The following MBNL2 variants were observed in gnomAD, a reference collection of about 807,000 sequenced individuals.
MBNL2 encodes the protein muscleblind-like protein 2.
A neutral mutation model predicts 41.9 loss-of-function variants in MBNL2; 17 were observed. That is an observed-to-expected ratio of 0.41 (90% CI 0.28 to 0.61). The LOEUF (loss-of-function observed/expected upper bound fraction) is 0.61, where lower values mean the gene tolerates loss of function less well. Among genes scored for constraint, MBNL2 ranks in the 20% least tolerant of loss-of-function variants. The pLI, the probability that MBNL2 is intolerant of heterozygous loss-of-function variation, is 0.35. For synonymous variants in MBNL2, 195 were observed against 182.9 expected (o/e 1.07, Z -0.53); for missense variants, 336 against 505.6 (o/e 0.66, Z 3.22).
At chr13:97,263,361 C>T (rs1191873159) in intron 1 of MBNL2, among the ~76,000 whole-genome samples, 1 of 152,190 alleles carries the variant, frequency 6.6e-6, no homozygotes, top group Non-Finnish European at 1.5e-5. Context: ...CAGTGTTCCC[C>T]ACTGTCTACT....
At chr13:97,245,255 T>G (rs2045225019) in intron 1 of MBNL2, among the ~76,000 whole-genome samples, 1 of 152,232 alleles carries the variant, frequency 6.6e-6, no homozygotes, top group Non-Finnish European at 1.5e-5. Flanking sequence ...GGTGGCTGTC[T>G]GCCTCAAAAC....
At chr13:97,157,926 G>A in the MBNL2 span, among the ~76,000 whole-genome samples, 1 of 150,610 alleles carries the variant, frequency 6.6e-6, no homozygotes, top group Admixed American at 6.6e-5. Flanking sequence ...AGTTAGGGAG[G>A]ATTCCCTCTT....
At chr13:97,219,132 A>G (rs2040654173), upstream of MBNL2, among the ~76,000 whole-genome samples, 2 of 152,322 alleles carry the variant, frequency 1.3e-5, no homozygotes. Context: ...CCACCCAAGA[A>G]CTATGGAGAT....
the MBNL2 span, among the ~76,000 whole-genome samples, chr13:97,176,048 C>T: frequency 6.6e-6 from 1 of 152,172 alleles, no homozygotes; most frequent in African/African-American, 2.4e-5. Flanking sequence ...ATTACTCTGC[C>T]ATGCTGGAAG....
intron 2 of MBNL2, among the ~76,000 whole-genome samples, chr13:97,278,441 T>A (rs2052651263): frequency 6.6e-6 from 1 of 152,118 alleles, no homozygotes; most frequent in African/African-American, 2.4e-5. Flanking sequence ...GCCAGATTTT[T>A]AAAAACCTTA....
intron 2 of MBNL2, among the ~76,000 whole-genome samples, chr13:97,293,087 C>T (rs2056436982): frequency 6.6e-6 from 1 of 151,900 alleles, no homozygotes; most frequent in South Asian, 2.1e-4. Flanking sequence ...TATTTCCTTT[C>T]TCCAGCTTTC....
At chr13:97,277,056 G>C (rs1009873190) in intron 2 of MBNL2, among the ~76,000 whole-genome samples, 1 of 152,210 alleles carries the variant, frequency 6.6e-6, no homozygotes, top group Non-Finnish European at 1.5e-5. Context: ...CACATGCCTT[G>C]TGGGAGGAAC....
At chr13:97,175,255 C>G in the MBNL2 span, among the ~76,000 whole-genome samples, 2 of 152,150 alleles carry the variant, frequency 1.3e-5, no homozygotes, top group Non-Finnish European at 2.9e-5. Flanking sequence ...GGTGCCAGAC[C>G]TGCACTGCTG....
the MBNL2 span, among the ~76,000 whole-genome samples, chr13:97,213,672 A>G: frequency 6.6e-6 from 1 of 152,166 alleles, no homozygotes; most frequent in Non-Finnish European, 1.5e-5. Context: ...TCTTTACATC[A>G]TGAATGTTTC....
intron 2 of MBNL2, among the ~76,000 whole-genome samples, chr13:97,312,577 TA>T (rs2058706837): frequency 6.6e-6 from 1 of 152,328 alleles, no homozygotes; most frequent in South Asian, 2.1e-4. Context: ...TCTATAATGG[TA>T]GCTCTCAAAG....
intron 5 of MBNL2, among the ~76,000 whole-genome samples, chr13:97,347,484 G>A (rs766258801): frequency 5.3e-5 from 8 of 152,228 alleles, no homozygotes; most frequent in Non-Finnish European, 1.2e-4. Flanking sequence ...AGCAGCCACG[G>A]AGGACATCTG....
the MBNL2 span, among the ~76,000 whole-genome samples, chr13:97,169,621 T>C: frequency 6.6e-6 from 1 of 152,240 alleles, no homozygotes; most frequent in Non-Finnish European, 1.5e-5. Flanking sequence ...AATGACCACA[T>C]AATAGTCTTT....
intron 1 of MBNL2, among the ~76,000 whole-genome samples, chr13:97,232,191 T>A (rs2042479671): frequency 6.6e-6 from 1 of 152,202 alleles, no homozygotes; most frequent in African/African-American, 2.4e-5. Context: ...AGGTCATCCA[T>A]CTCGTGCCCC....
chr13:97,214,904 T>C, the MBNL2 span, among the ~76,000 whole-genome samples: 60 of 152,362 alleles, frequency 3.9e-4, no homozygotes, highest in African/African-American at 1.4e-3. Flanking sequence ...GAAATGCTCA[T>C]TGCTGCTTCC....
intron 4 of MBNL2, among the ~76,000 whole-genome samples, chr13:97,345,601 CT>C (rs367817140): frequency 3.0e-4 from 46 of 151,926 alleles, no homozygotes; most frequent in African/African-American, 1.1e-3. Flanking sequence ...CTCCTTTTGT[CT>C]TTTTTTTCTT....
the MBNL2 span, among the ~76,000 whole-genome samples, chr13:97,157,009 A>T: frequency 6.7e-6 from 1 of 149,766 alleles, no homozygotes; most frequent in African/African-American, 2.5e-5. Flanking sequence ...CACGATATTG[A>T]TTCTTCCTAC....
rs77637064 is a variant in MBNL2 at position 97,317,986 on chromosome 13, G to T, written c.175-16290G>T. On this transcript the variant is annotated intron_variant, in intron 2 of 8. Transcript: ENST00000679496. The stretch of plus-strand genomic sequence containing the variant: ...TTTGTAGCCCCTTGGGCCTAGCACA[G>T]TACCAGACATAAAGTAGGAATCAAT... Among the ~76,000 whole-genome samples, 634 of 152,302 alleles carry T rather than the reference G, an allele frequency of 4.2e-3. 5 individuals are homozygous for T. Among genetic ancestry groups the T allele is most frequent in the African/African-American group, 0.015 (615 of 41,546 alleles).
chr13:97,379,774 G>A (rs1273467764), intron 8 of MBNL2, among the ~76,000 whole-genome samples: 3 of 152,128 alleles, frequency 2.0e-5, no homozygotes, highest in Non-Finnish European at 4.4e-5. Flanking sequence ...TCTAACGGGG[G>A]CAGGTTTCAT....
chr13:97,177,669 T>C, the MBNL2 span, among the ~76,000 whole-genome samples: 2 of 152,306 alleles, frequency 1.3e-5, no homozygotes, highest in East Asian at 1.9e-4. Context: ...AATGAGAAGA[T>C]ATGTGTTTTT....
Sources: gnomAD v4.1 joint callset for allele counts (sites outside exome capture counted in the v4.1 genomes callset) on GRCh38, gnomAD v4.1.1 for gene constraint, MANE v1.5 for transcripts, NCBI Gene and HGNC (gene_info 2026-07-23, HGNC 2026-07-21) for gene names.